Variants in NRXN3 observed in about 807,000 individuals in gnomAD.
NRXN3 encodes neurexin 3, also known as neurexin III.
In NRXN3, 32 loss-of-function variants were observed where a neutral mutation model predicts 137.6. That is an observed-to-expected ratio of 0.23 (90% confidence interval 0.18 to 0.31). The LOEUF (loss-of-function observed/expected upper bound fraction) is 0.31, where lower values mean the gene tolerates loss of function less well. Ranked by LOEUF, NRXN3 falls within the 10% of genes least tolerant of loss-of-function variation. The probability of loss-of-function intolerance (pLI) is 1.00; values close to 1 mark genes in which losing one functional copy is unlikely to be tolerated. For missense variants in NRXN3, 1,574 were observed against 2,062.5 expected (o/e 0.76, Z 4.59); for synonymous variants, 798 against 784.5 (o/e 1.02, Z -0.29).
intron 4 of NRXN3, among the ~76,000 whole-genome samples, chr14:78,395,531 T>C (rs2091353480): frequency 6.6e-6 from 1 of 151,992 alleles, no homozygotes; most frequent in Admixed American, 6.6e-5. Flanking sequence ...TAATAGATAC[T>C]GTTAGTTGAT....
chr14:79,355,255 C>T (rs1287499883), intron 15 of NRXN3, among the ~76,000 whole-genome samples: 1 of 149,698 alleles, frequency 6.7e-6, no homozygotes, highest in Admixed American at 6.6e-5. Flanking sequence ...TTCTGTCCCC[C>T]ACCCCCTTCC....
intron 6 of NRXN3, among the ~76,000 whole-genome samples, chr14:78,666,549 C>T (rs1370960341): frequency 1.4e-4 from 21 of 152,178 alleles, no homozygotes; most frequent in Admixed American, 1.4e-3. Context: ...CCTATTCACT[C>T]GAGTTAGAAA....
intron 19 of NRXN3, among the ~76,000 whole-genome samples, chr14:79,703,253 T>C (rs1382054131): frequency 6.6e-6 from 1 of 152,156 alleles, no homozygotes; most frequent in Non-Finnish European, 1.5e-5. Flanking sequence ...AAAATTCTTA[T>C]AGGCAAAGTA....
intron 2 of NRXN3, among the ~76,000 whole-genome samples, chr14:78,258,124 T>G (rs2069980702): frequency 6.6e-6 from 1 of 152,222 alleles, no homozygotes; most frequent in Non-Finnish European, 1.5e-5. Flanking sequence ...TGTGTACCAT[T>G]TAGGACTATT....
chr14:79,748,520 A>G (rs2098986681), intron 19 of NRXN3, among the ~76,000 whole-genome samples: 2 of 152,182 alleles, frequency 1.3e-5, no homozygotes, highest in South Asian at 4.1e-4. Context: ...AATACACAGT[A>G]TATTTATGAT....
chr14:79,254,530 C>A (rs920824022), intron 15 of NRXN3, among the ~76,000 whole-genome samples: 9 of 152,118 alleles, frequency 5.9e-5, no homozygotes, highest in Non-Finnish European at 1.0e-4. Context: ...TTTCTAGTTT[C>A]TTTCATCCAA....
At chr14:78,380,294 C>T (rs1401712232) in intron 4 of NRXN3, among the ~76,000 whole-genome samples, 1 of 105,202 alleles carries the variant, frequency 9.5e-6, no homozygotes, top group Non-Finnish European at 1.7e-5. Flanking sequence ...GGCGACAGAG[C>T]GAGACTCCGT....
chr14:79,301,753 G>A (rs537776339), intron 15 of NRXN3, among the ~76,000 whole-genome samples: 10 of 151,814 alleles, frequency 6.6e-5, no homozygotes, highest in African/African-American at 9.7e-5. Context: ...GTGTGCGCGC[G>A]CGTGCATATA....
At chr14:79,379,350 T>G (rs938405397) in intron 15 of NRXN3, among the ~76,000 whole-genome samples, 1 of 152,186 alleles carries the variant, frequency 6.6e-6, no homozygotes, top group Non-Finnish European at 1.5e-5. Flanking sequence ...TGCAGAAATG[T>G]GAGCATTAGT....
chr14:78,595,352 C>G (rs951860248), intron 4 of NRXN3, among the ~76,000 whole-genome samples: 11 of 152,184 alleles, frequency 7.2e-5, no homozygotes, highest in African/African-American at 2.7e-4. Flanking sequence ...CTTTGCCACT[C>G]AGAGAGAAGC....
At chr14:79,052,750 A>G (rs547459188) in intron 15 of NRXN3, among the ~76,000 whole-genome samples, 1 of 152,352 alleles carries the variant, frequency 6.6e-6, no homozygotes, top group East Asian at 1.9e-4. Flanking sequence ...AAAATCCATT[A>G]GACAGGTAGG....
intron 4 of NRXN3, among the ~76,000 whole-genome samples, chr14:78,451,711 C>A (rs986799231): frequency 1.3e-5 from 2 of 152,192 alleles, no homozygotes; most frequent in African/African-American, 4.8e-5. Flanking sequence ...TTTTAAGAGT[C>A]CTGCGTAGGC....
At chr14:79,719,677 G>T (rs2098837446) in intron 19 of NRXN3, among the ~76,000 whole-genome samples, 1 of 151,922 alleles carries the variant, frequency 6.6e-6, no homozygotes, top group Non-Finnish European at 1.5e-5. Flanking sequence ...TGCATAAAAG[G>T]TCCCGCAGAT....
At chr14:78,579,508 T>C (rs1485987071) in intron 4 of NRXN3, among the ~76,000 whole-genome samples, 1 of 151,270 alleles carries the variant, frequency 6.6e-6, no homozygotes, top group Non-Finnish European at 1.5e-5. Context: ...CAAGGTGTGA[T>C]TAAGACACTT....
intron 15 of NRXN3, among the ~76,000 whole-genome samples, chr14:79,320,011 A>G (rs1042268984): frequency 1.3e-5 from 2 of 152,200 alleles, no homozygotes; most frequent in Non-Finnish European, 2.9e-5. Flanking sequence ...GATAATAAAT[A>G]TATTCCTCTA....
Position 79,004,339 on chromosome 14 carries a change from G to C in NRXN3, c.3262+16198G>C, listed in dbSNP as rs187178393. 2.2e-3 allele frequency among the ~76,000 whole-genome samples: 332 copies of C among 152,000 alleles called. 2 individuals are homozygous for C. Among genetic ancestry groups the C allele is most frequent in the African/African-American group, 7.4e-3 (305 of 41,452 alleles). On this transcript the variant is annotated intron_variant, in intron 15 of 20. Transcript: ENST00000335750. ...CGGCTCACTGCAAACTCCACCTCCT[G>C]GGCTCAAGTGATCCTCTCACCTCAG...
rs561333818 is a variant in NRXN3 at position 79,515,040 on chromosome 14, A to C, written c.3444+47638A>C. Among the ~76,000 whole-genome samples the C allele has an allele frequency of 4.0e-5, 6 of 150,690 alleles. 1 individual carries two copies. Among genetic ancestry groups the C allele is most frequent in the African/African-American group, 1.5e-4 (6 of 40,012 alleles). ...CTTTGTTTCCTCATTCAAAAAAGAA[A>C]GAGAGATACTATCTGTGGCAGAGCC... On this transcript the variant is annotated intron_variant, in intron 16 of 20. Transcript: ENST00000335750.
chr14:78,708,920 C>T (rs904733831), intron 6 of NRXN3, among the ~76,000 whole-genome samples: 1 of 152,164 alleles, frequency 6.6e-6, no homozygotes, highest in African/African-American at 2.4e-5. Flanking sequence ...CCATGCAACT[C>T]GATCTCTCTT....
Position 79,740,708 on chromosome 14 carries a change from TTTTTTATATATATATATATATATATATA to T in NRXN3, c.4014+42773_4014+42800del, listed in dbSNP as rs1344817876. 6.8e-4 allele frequency among the ~76,000 whole-genome samples: 24 copies of T among 35,160 alleles called. 1 individual carries two copies. The highest frequency in any genetic ancestry group is 3.0e-3 in the African/African-American group (24 of 7,916). 23.1% of individuals were successfully genotyped at this position (35,160 alleles called of 152,430 possible). A position where few individuals can be genotyped will look rare whatever the true frequency, so the allele number is the denominator to read the frequency against. ...CCTTTCCACTGGACTTTGCATTTAG[TTTTTTATATATATATATATATATATATA>T]TATATATATATATATATATATATAT... is the stretch of plus-strand genomic sequence containing the variant. On this transcript the variant is annotated intron_variant, in intron 19 of 20. Transcript: ENST00000335750.
Sources: gnomAD v4.1 joint callset for allele counts (sites outside exome capture counted in the v4.1 genomes callset) on GRCh38, gnomAD v4.1.1 for gene constraint, MANE v1.5 for transcripts, NCBI Gene and HGNC (gene_info 2026-07-23, HGNC 2026-07-21) for gene names.